The following THNSL1 variants were observed in gnomAD, a reference collection of about 807,000 sequenced individuals.
THNSL1 encodes the protein threonine synthase like 1.
THNSL1 carries 48 observed loss-of-function variants against 50.4 expected under a neutral mutation model. The ratio of observed to expected loss-of-function variants is 0.95; its 90% CI spans 0.76 to 1.21. The LOEUF is 1.21. THNSL1 is among the 50% of genes most tolerant of loss of function. THNSL1 has a pLI of 0.00. For missense variants in THNSL1, 896 were observed against 871.7 expected (o/e 1.03, Z -0.35); for synonymous variants, 309 against 306.1 (o/e 1.01, Z -0.10).
chr10:25,025,656 A>G lies in THNSL1; in HGVS notation c.*201A>G. Reference sequence around the variant, plus strand: ...CTTTAATCTGGAAGTGACAAAAGGTAACACAGTGCACGGACCTTTGAGCTA... The same window carrying G: ...CTTTAATCTGGAAGTGACAAAAGGTGACACAGTGCACGGACCTTTGAGCTA... On this transcript the variant is annotated 3_prime_UTR_variant, in exon 3 of 3. Transcript: ENST00000376356. 1 of 592,010 alleles carries G rather than the reference A, an allele frequency of 1.7e-6. No homozygotes were observed. The highest frequency in any genetic ancestry group is 2.3e-5 in the South Asian group (1 of 44,140). The allele number at this position is 592,010 out of a possible 1,614,324, so 36.7% of individuals were successfully genotyped here.
At chr10:24,968,501 C>T in the THNSL1 span, among the ~76,000 whole-genome samples, 7 of 152,148 alleles carry the variant, frequency 4.6e-5, no homozygotes, top group East Asian at 9.6e-4. Flanking sequence ...CAGCATCCTT[C>T]GTTGTCTAAG....
chr10:24,972,238 TGGCTCGCGCCTGTAATCCC>T, the THNSL1 span, among the ~76,000 whole-genome samples: 5 of 148,238 alleles, frequency 3.4e-5, no homozygotes, highest in East Asian at 1.0e-3. Flanking sequence ...CCGGGAGTGG[TGGCTCGCGCCTGTAATCCC>T]AGCACTTTGG....
chr10:25,014,771 G>A (rs933585172), upstream of THNSL1, among the ~76,000 whole-genome samples: 1 of 152,130 alleles, frequency 6.6e-6, no homozygotes, highest in African/African-American at 2.4e-5. Flanking sequence ...GTCTCTAGAT[G>A]TTGATATGCT....
At chr10:24,985,348 T>A in the THNSL1 span, among the ~76,000 whole-genome samples, 1 of 152,234 alleles carries the variant, frequency 6.6e-6, no homozygotes, top group Non-Finnish European at 1.5e-5. Context: ...ATAAAAGACC[T>A]AATTCTGATG....
At chr10:24,997,944 A>G in the THNSL1 span, among the ~76,000 whole-genome samples, 1 of 152,060 alleles carries the variant, frequency 6.6e-6, no homozygotes, top group East Asian at 1.9e-4. Context: ...TATATTCTCA[A>G]ATGGTATTGT....
the THNSL1 span, among the ~76,000 whole-genome samples, chr10:24,989,694 C>G: frequency 6.6e-6 from 1 of 152,134 alleles, no homozygotes; most frequent in Admixed American, 6.5e-5. Flanking sequence ...GAAGTTGTAA[C>G]AGCATATGAA....
chr10:25,018,030 C>T (rs1347128901), intron 1 of THNSL1, among the ~76,000 whole-genome samples: 3 of 152,142 alleles, frequency 2.0e-5, no homozygotes, highest in Admixed American at 6.5e-5. Flanking sequence ...ATGATTTCTG[C>T]AGTTAGCACC....
At chr10:24,954,770 G>A in the THNSL1 span, among the ~76,000 whole-genome samples, 74 of 152,018 alleles carry the variant, frequency 4.9e-4, no homozygotes, top group Non-Finnish European at 9.3e-4. Flanking sequence ...TACTTTGTGC[G>A]GTCTGATTAC....
chr10:25,024,151 T>C lies in THNSL1; in HGVS notation c.928T>C (p.Leu310=), dbSNP rs558014535. ...IHPADIPAAR[L]GEMIETAYGE... is the part of the protein sequence containing the mutation. ...TCCTGCAGACATACCTGCTGCCAGGTTGGGAGAAATGATTGAAACTGCTTA... is the reference window on the plus strand; with the variant it reads ...TCCTGCAGACATACCTGCTGCCAGGCTGGGAGAAATGATTGAAACTGCTTA... The change falls in exon 3 of 3, where the codon TTG becomes CTG. Residue 310 remains leucine, a synonymous_variant. Coordinates refer to ENST00000376356, the MANE Select transcript of THNSL1 (RefSeq NM_024838.5). The C allele has an allele frequency of 3.1e-6, 5 of 1,614,154 alleles. No individual in the cohort carries two copies. In the African/African-American group the frequency reaches 6.7e-5, roughly 22 times the overall value.
At chr10:24,999,015 T>C in the THNSL1 span, among the ~76,000 whole-genome samples, 30 of 152,280 alleles carry the variant, frequency 2.0e-4, 1 homozygote, top group African/African-American at 6.5e-4. Context: ...ATGGTTGTAA[T>C]TTTCATCTCT....
chr10:24,963,715 C>T, the THNSL1 span, among the ~76,000 whole-genome samples: 1 of 152,178 alleles, frequency 6.6e-6, no homozygotes, highest in African/African-American at 2.4e-5. Context: ...TGATGTAAAA[C>T]ATCAGGCAAC....
At chr10:24,987,485 T>A in the THNSL1 span, among the ~76,000 whole-genome samples, 2 of 151,042 alleles carry the variant, frequency 1.3e-5, no homozygotes, top group Non-Finnish European at 3.0e-5. Context: ...AATAAAAAAA[T>A]GAAATAAAAA....
At chr10:25,008,002 T>C in the THNSL1 span, among the ~76,000 whole-genome samples, 1 of 148,364 alleles carries the variant, frequency 6.7e-6, no homozygotes, top group Non-Finnish European at 1.5e-5. Flanking sequence ...ATATATAATA[T>C]GAATAAATAT....
the THNSL1 span, among the ~76,000 whole-genome samples, chr10:24,952,999 C>T: frequency 6.6e-6 from 1 of 152,024 alleles, no homozygotes; most frequent in Non-Finnish European, 1.5e-5. The surrounding 1 kb of genome is among the most constrained non-coding windows in gnomAD (Gnocchi z 5.1). Flanking sequence ...ATTCCCAGAT[C>T]CACCGTCCCA....
chr10:25,004,597 T>C, the THNSL1 span, among the ~76,000 whole-genome samples: 1 of 152,240 alleles, frequency 6.6e-6, no homozygotes, highest in Non-Finnish European at 1.5e-5. Flanking sequence ...CTTTGCCAAC[T>C]TTTTAATAGC....
Position 25,017,626 on chromosome 10 carries a change from T to C in THNSL1, c.-216+934T>C, listed in dbSNP as rs533538593. Among the ~76,000 whole-genome samples the C allele has an allele frequency of 2.6e-5, 4 of 152,098 alleles. 1 individual carries two copies. Among genetic ancestry groups the C allele is most frequent in the Admixed American group, 2.0e-4 (3 of 15,278 alleles). ...TAAGAATACGTTAAGTTTTTCTTTTTTTTTTTTTTGTATACAGTTGATTTT... is the reference window on the plus strand; with the variant it reads ...TAAGAATACGTTAAGTTTTTCTTTTCTTTTTTTTTGTATACAGTTGATTTT... On this transcript the variant is annotated intron_variant, in intron 1 of 2. Coordinates refer to ENST00000376356, the MANE Select transcript of THNSL1 (RefSeq NM_024838.5).
At chr10:24,983,902 C>T in the THNSL1 span, 1 of 152,846 alleles carries the variant, frequency 6.5e-6, no homozygotes, top group Non-Finnish European at 1.5e-5. Flanking sequence ...AACAGCTCTA[C>T]TAACATAAAC....
chr10:24,974,645 A>T, the THNSL1 span, among the ~76,000 whole-genome samples: 1 of 152,248 alleles, frequency 6.6e-6, no homozygotes, highest in African/African-American at 2.4e-5. Flanking sequence ...TTTATAAAAA[A>T]TATAATGGTC....
the THNSL1 span, among the ~76,000 whole-genome samples, chr10:24,988,483 C>T: frequency 7.0e-5 from 10 of 143,760 alleles, no homozygotes; most frequent in Admixed American, 2.8e-4. Flanking sequence ...ATATAAAATA[C>T]GTATAAATAG....
Sources: gnomAD v4.1 joint callset for allele counts (sites outside exome capture counted in the v4.1 genomes callset) on GRCh38, gnomAD v4.1.1 for gene constraint, Gnocchi (gnomAD v3.1) non-coding constraint, MANE v1.5 for transcripts, NCBI Gene and HGNC (gene_info 2026-07-23, HGNC 2026-07-21) for gene names.